PARP1: variants seen among roughly 807,000 people sequenced by gnomAD.
PARP1 encodes the protein poly(ADP-ribose) polymerase 1.
Under a neutral mutation model 118.7 loss-of-function variants are expected in PARP1, and 44 were observed. That is an observed-to-expected ratio of 0.37 (90% CI 0.29 to 0.48). The LOEUF is 0.48. Among genes scored for constraint, PARP1 ranks in the 20% least tolerant of loss-of-function variants. The pLI is 0.99. For synonymous variants in PARP1, 492 were observed against 483.2 expected (o/e 1.02, Z -0.24); for missense variants, 1,100 against 1,272.4 (o/e 0.86, Z 2.06).
In PARP1 at chr1:226,386,347, T is replaced by G; in HGVS notation, c.813A>C (p.Gln271His). 1.9e-6 allele frequency: 3 copies of G among 1,612,260 alleles called. No individual in the cohort carries two copies. The South Asian group carries it at 3.3e-5, about 18-fold the overall frequency. The part of the protein sequence containing the change: ...LKELLIFNKQ[Q>H]VPSGESAILD... ...TCACCGCCGACTCCCCAGAAGGCAC[T>G]TGCTGCTTGTTGAAGATGAGTAGCT... is the stretch of plus-strand genomic sequence containing the variant. Residue 271 changes from glutamine to histidine, a missense_variant, in exon 6 of 23, where the codon CAA (glutamine) becomes CAC (histidine). This residue lies in a region of PARP1 where 948 missense variants were observed against 1,031.8 expected (regional missense o/e 0.92). Transcript: ENST00000366794.
intron 17 of PARP1, chr1:226,366,409 G>C: frequency 3.0e-6 from 1 of 329,836 alleles, no homozygotes; most frequent in South Asian, 2.7e-5. Flanking sequence ...AGCTCAGCAT[G>C]AGTTAAAACA....
intron 21 of PARP1, among the ~76,000 whole-genome samples, 186 bp downstream of exon 21, chr1:226,362,913 A>G (rs1315780952): frequency 1.3e-5 from 2 of 151,506 alleles, no homozygotes; most frequent in Non-Finnish European, 2.9e-5. Context: ...CAGTTGCAGC[A>G]TATTAACCAC....
chr1:226,378,668 C>T (rs778304702), intron 12 of PARP1, among the ~76,000 whole-genome samples: 17 of 152,050 alleles, frequency 1.1e-4, no homozygotes, highest in Admixed American at 5.2e-4. Context: ...GGCAACACAG[C>T]GAGGCCCGTC....
chr1:226,378,623 G>GGAT (rs1189274336), intron 12 of PARP1, among the ~76,000 whole-genome samples: 1 of 152,158 alleles, frequency 6.6e-6, no homozygotes, highest in Non-Finnish European at 1.5e-5. Flanking sequence ...TGAGGCGGGA[G>GGAT]GATCACTTGA....
intron 21 of PARP1, among the ~76,000 whole-genome samples, chr1:226,362,615 G>C (rs1235833541): frequency 6.6e-6 from 1 of 152,118 alleles, no homozygotes. Context: ...ACTTCAACCA[G>C]GCAGTGGAAG....
Position 226,363,095 on chromosome 1 carries a change from T to C in PARP1, c.2848+4A>G. Reference sequence around the variant, plus strand: ...CTGTAGCAACAGCTTTGGAAACACTTTACCTTTGACACTGTGCTTGCCCTT... The same window carrying C: ...CTGTAGCAACAGCTTTGGAAACACTCTACCTTTGACACTGTGCTTGCCCTT... On this transcript the variant is annotated splice_donor_region_variant and intron_variant, in intron 21 of 22. Coordinates refer to ENST00000366794, the MANE Select transcript of PARP1 (RefSeq NM_001618.4). 6.2e-7 allele frequency: 1 copy of C among 1,611,040 alleles called. No individual in the cohort carries two copies. Among genetic ancestry groups the C allele is most frequent in the Non-Finnish European group, 8.5e-7 (1 of 1,177,194 alleles).
intron 19 of PARP1, 180 bp from the exon 20 acceptor site, chr1:226,364,250 TCCTAGCTCTG>T: frequency 1.6e-6 from 1 of 623,412 alleles, no homozygotes; most frequent in East Asian, 3.2e-5. Flanking sequence ...GGCTGTCAGA[TCCTAGCTCTG>T]CCAGGTGCCA....
intron 7 of PARP1, 141 bp from the exon 8 acceptor site, chr1:226,383,324 T>C (rs1185087951): frequency 2.8e-6 from 2 of 709,308 alleles, no homozygotes; most frequent in Non-Finnish European, 4.9e-6. Context: ...AATAGAAAAA[T>C]GTGAGGCTTT....
At chr1:226,406,078 C>T (rs183044675) in intron 1 of PARP1, among the ~76,000 whole-genome samples, 2 of 152,004 alleles carry the variant, frequency 1.3e-5, no homozygotes, top group African/African-American at 4.8e-5. Context: ...AGTACAGCCT[C>T]TAATAACTGT....
rs760357828 is a variant in PARP1, at chr1:226,374,276, T to C, written c.2020A>G (p.Lys674Glu). ...KLPKPVQDLI[K>E]MIFDVESMKK... is the part of the protein sequence containing the mutation. ...ATACTTTCCACATCAAAGATCATCT[T>C]GATGAGGTCCTGAACTGGCTTGGGG... The change falls in exon 14 of 23, where the codon AAG becomes GAG. Residue 674 changes from lysine to glutamate, a missense_variant. Physicochemically the swap from Lys to Glu is moderately conservative, Grantham distance 56. Around this residue, in one of 2 missense-constraint regions of PARP1, gnomAD observed 948 missense variants for 1,031.8 expected, o/e 0.92. Transcript: ENST00000366794. The C allele has an allele frequency of 3.1e-6, 5 of 1,614,198 alleles. No homozygotes were observed. In the South Asian group the frequency reaches 4.4e-5, roughly 14 times the overall value.
chr1:226,398,756 T>C (rs1004544533), intron 2 of PARP1, among the ~76,000 whole-genome samples: 1 of 152,244 alleles, frequency 6.6e-6, no homozygotes, highest in Non-Finnish European at 1.5e-5. Flanking sequence ...TCTCATCTAT[T>C]GCTGGTGGGA....
At chr1:226,379,776 C>A (rs1008685607) in intron 10 of PARP1, 135 bp from the exon 11 acceptor site, 6 of 1,409,712 alleles carry the variant, frequency 4.3e-6, no homozygotes, top group African/African-American at 1.4e-5. Flanking sequence ...ACTCCCGCCA[C>A]CCCAAAGCGC....
intron 8 of PARP1, among the ~76,000 whole-genome samples, chr1:226,381,982 C>T (rs952476563): frequency 1.3e-5 from 2 of 152,180 alleles, no homozygotes; most frequent in African/African-American, 4.8e-5. Context: ...AGGGAACCCT[C>T]CATGGAGGGG....
At chr1:226,405,589 C>T (rs918552417) in intron 1 of PARP1, among the ~76,000 whole-genome samples, 19 of 152,174 alleles carry the variant, frequency 1.2e-4, no homozygotes, top group African/African-American at 3.9e-4. Context: ...TACAAGCATG[C>T]GCCACCAAGC....
intron 20 of PARP1, 121 bp downstream of exon 20, chr1:226,363,822 T>C (rs1200657732): frequency 9.9e-6 from 10 of 1,011,546 alleles, no homozygotes; most frequent in Admixed American, 1.7e-5. Context: ...AGAATCCTAA[T>C]TGGTGCGTCC....
At chr1:226,402,536 G>T (rs1030769813) in intron 1 of PARP1, among the ~76,000 whole-genome samples, 157 bp from the exon 2 acceptor site, 1 of 152,220 alleles carries the variant, frequency 6.6e-6, no homozygotes, top group African/African-American at 2.4e-5. Flanking sequence ...GACAGCCTCC[G>T]CTCTCACATG....
At chr1:226,387,911 T>C (rs1245801441) in intron 5 of PARP1, among the ~76,000 whole-genome samples, 1 of 152,194 alleles carries the variant, frequency 6.6e-6, no homozygotes, top group Non-Finnish European at 1.5e-5. Flanking sequence ...AATGTGTGAT[T>C]CTTATTTAGC....
Position 226,388,648 on chromosome 1 carries a change from G to A in PARP1, c.717+8C>T. 7.0e-6 allele frequency: 11 copies of A among 1,569,714 alleles called. No homozygotes were observed. Among genetic ancestry groups the A allele is most frequent in the Non-Finnish European group, 8.8e-6 (10 of 1,139,424 alleles). On this transcript the variant is annotated splice_region_variant and intron_variant, in intron 5 of 22. Coordinates refer to ENST00000366794, the MANE Select transcript of PARP1 (RefSeq NM_001618.4). ...ATGTCGAAAGGAGACACAGAGCTGA[G>A]AACTCACCTTTAGGGCTTTTTCAAG...
chr1:226,392,360 A>C, intron 2 of PARP1, 46 bp from the exon 3 acceptor site: 2 of 1,400,646 alleles, frequency 1.4e-6, no homozygotes, highest in Non-Finnish European at 2.0e-6. Context: ...CAGCCCCAAA[A>C]TGCAGCTCAG....
Sources: allele counts gnomAD v4.1 joint callset (sites outside exome capture counted in the v4.1 genomes callset), GRCh38; gene constraint gnomAD v4.1.1; regional missense constraint gnomAD v4.1.1; transcripts MANE v1.5; gene names NCBI Gene and HGNC (gene_info 2026-07-23, HGNC 2026-07-21).